KDM4C: variants seen among roughly 807,000 people sequenced by gnomAD.
KDM4C encodes lysine demethylase 4C.
A neutral mutation model predicts 129.3 loss-of-function variants in KDM4C; 81 were observed. That is an observed-to-expected ratio of 0.63 (90% confidence interval 0.52 to 0.75). The LOEUF (loss-of-function observed/expected upper bound fraction) is 0.75, where lower values mean the gene tolerates loss of function less well. Ranked by LOEUF, KDM4C falls within the 30% of genes least tolerant of loss-of-function variation. The pLI is 0.00. For missense variants in KDM4C, 1,457 were observed against 1,304.0 expected, an observed-to-expected ratio of 1.12 and a Z score of -1.81; for synonymous variants, 573 against 456.1, an observed-to-expected ratio of 1.26 and a Z score of -3.26.
At chr9:7,056,347 G>A (rs1325429171) in intron 17 of KDM4C, among the ~76,000 whole-genome samples, 4 of 85,984 alleles carry the variant, frequency 4.7e-5, no homozygotes, top group Admixed American at 1.3e-4. Flanking sequence ...AATAAGTGTA[G>A]TGCAAAAAAA....
intron 8 of KDM4C, among the ~76,000 whole-genome samples, chr9:6,955,591 G>C (rs1828919923): frequency 6.6e-6 from 1 of 152,194 alleles, no homozygotes; most frequent in African/African-American, 2.4e-5. Flanking sequence ...TCTAGAAAAG[G>C]AAAACGTGAC....
intron 19 of KDM4C, among the ~76,000 whole-genome samples, chr9:7,164,744 TC>T (rs1451501051): frequency 1.1e-4 from 17 of 152,210 alleles, no homozygotes; most frequent in Non-Finnish European, 1.5e-5. Flanking sequence ...CCTCCAGAGA[TC>T]CTGGCAACTT....
intron 17 of KDM4C, among the ~76,000 whole-genome samples, chr9:7,083,270 G>GAATACTGAATCTGAATACTAAA (rs1834743981): frequency 6.6e-6 from 1 of 152,166 alleles, no homozygotes; most frequent in Non-Finnish European, 1.5e-5. Flanking sequence ...GTAAATCTAA[G>GAATACTGAATCTGAATACTAAA]ATCTGAAATA....
At chr9:7,023,538 A>G (rs1825254371) in intron 15 of KDM4C, among the ~76,000 whole-genome samples, 1 of 150,058 alleles carries the variant, frequency 6.7e-6, no homozygotes, top group Non-Finnish European at 1.5e-5. Context: ...CTTTTTTCTT[A>G]CTCTGGGTAG....
chr9:6,984,586 A>G (rs1817357580), intron 10 of KDM4C, among the ~76,000 whole-genome samples, 182 bp downstream of exon 10: 1 of 152,170 alleles, frequency 6.6e-6, no homozygotes, highest in African/African-American at 2.4e-5. Context: ...CAGGAGCCTC[A>G]CTGCTATGTG....
Position 6,789,883 on chromosome 9 carries a change from T to C in KDM4C, c.-17-3089T>C, listed in dbSNP as rs76356685. 4.4e-3 allele frequency among the ~76,000 whole-genome samples: 662 copies of C among 152,128 alleles called. 4 individuals carry two copies. Among genetic ancestry groups the C allele is most frequent in the South Asian group, 0.033 (158 of 4,822 alleles). On this transcript the variant is annotated intron_variant, in intron 1 of 21. Transcript: ENST00000381309. ...TGTTAATATATTTTTGTGCAGATTATTTTCTCCTTTGGATTGTAAGTTCCT... is the reference window on the plus strand; with the variant it reads ...TGTTAATATATTTTTGTGCAGATTACTTTCTCCTTTGGATTGTAAGTTCCT...
intron 15 of KDM4C, among the ~76,000 whole-genome samples, chr9:7,027,850 G>A (rs1488757337): frequency 6.6e-6 from 1 of 152,168 alleles, no homozygotes. Context: ...ACTGGCAGAG[G>A]AGCCTCAGCC....
upstream of KDM4C, among the ~76,000 whole-genome samples, chr9:6,757,074 G>A (rs369046757): frequency 1.6e-4 from 24 of 152,272 alleles, no homozygotes; most frequent in African/African-American, 5.8e-4. Context: ...CAAAACATCT[G>A]ATGCTCAACC....
intron 1 of KDM4C, among the ~76,000 whole-genome samples, chr9:6,731,508 T>C (rs768976341): frequency 3.3e-5 from 5 of 151,938 alleles, no homozygotes; most frequent in Non-Finnish European, 7.4e-5. Flanking sequence ...TTTTTTTTTG[T>C]ATTTTTAGTA....
chr9:6,861,969 G>A (rs939304214), intron 5 of KDM4C, among the ~76,000 whole-genome samples: 4 of 151,754 alleles, frequency 2.6e-5, no homozygotes, highest in Non-Finnish European at 5.9e-5. Context: ...ATGGGGTTTT[G>A]CCGCGTTGGC....
rs370810372 is a variant in KDM4C at position 7,034,980 on chromosome 9, A to G, written c.2260-11882A>G. Among the ~76,000 whole-genome samples the G allele has an allele frequency of 2.6e-5, 4 of 152,162 alleles. No homozygotes were observed. The East Asian group carries it at 5.8e-4, about 22-fold the overall frequency. On this transcript the variant is annotated intron_variant, in intron 15 of 21. Transcript: ENST00000381309. ...CATTTGTATGTATTTTGTGAAATGT[A>G]TGTTCAGATCATTTGCCCATTCTTT...
intron 8 of KDM4C, among the ~76,000 whole-genome samples, chr9:6,922,053 C>G (rs1391788387): frequency 6.6e-6 from 1 of 152,220 alleles, no homozygotes; most frequent in Non-Finnish European, 1.5e-5. Flanking sequence ...CTTATTCACA[C>G]CTGTATGCCC....
intron 4 of KDM4C, among the ~76,000 whole-genome samples, chr9:6,833,288 C>G (rs1835249425): frequency 6.6e-6 from 1 of 152,026 alleles, no homozygotes; most frequent in Admixed American, 6.5e-5. Flanking sequence ...ATATCCTGCA[C>G]TTCCTCTATG....
intron 12 of KDM4C, 82 bp downstream of exon 12, chr9:6,990,606 G>GAA: frequency 1.2e-6 from 1 of 859,756 alleles, no homozygotes; most frequent in Non-Finnish European, 1.8e-6. Context: ...TTGCTGAATA[G>GAA]AAAAAAAATT....
At chr9:6,872,687 A>G (rs945973719) in intron 5 of KDM4C, among the ~76,000 whole-genome samples, 2 of 152,112 alleles carry the variant, frequency 1.3e-5, no homozygotes, top group African/African-American at 4.8e-5. Context: ...TAGGATGGCA[A>G]TCCCTGGCTT....
intron 8 of KDM4C, among the ~76,000 whole-genome samples, chr9:6,959,776 C>T (rs948393703): frequency 6.6e-5 from 10 of 151,940 alleles, no homozygotes; most frequent in African/African-American, 2.2e-4. Context: ...AATAACATGA[C>T]GGATATATAT....
At chr9:6,791,913 C>G (rs1443827460) in intron 1 of KDM4C, among the ~76,000 whole-genome samples, 1 of 152,024 alleles carries the variant, frequency 6.6e-6, no homozygotes, top group Non-Finnish European at 1.5e-5. Context: ...TCCGAGCTAC[C>G]CGGAAGGCTG....
chr9:6,733,090 C>T (rs920247503), intron 1 of KDM4C, among the ~76,000 whole-genome samples: 1 of 152,222 alleles, frequency 6.6e-6, no homozygotes, highest in Non-Finnish European at 1.5e-5. Flanking sequence ...ATAGAGACCT[C>T]ATCCAGTTTT....
At chr9:7,124,072 T>A (rs1233062921) in intron 18 of KDM4C, among the ~76,000 whole-genome samples, 1 of 152,194 alleles carries the variant, frequency 6.6e-6, no homozygotes. Context: ...CTTCATCCTG[T>A]TTCATAGCAC....
Sources: allele counts gnomAD v4.1 joint callset (sites outside exome capture counted in the v4.1 genomes callset), GRCh38; gene constraint gnomAD v4.1.1; transcripts MANE v1.5; gene names NCBI Gene and HGNC (gene_info 2026-07-23, HGNC 2026-07-21).